SYNE1: variants seen among roughly 807,000 people sequenced by gnomAD.
SYNE1 encodes the protein spectrin repeat containing nuclear envelope protein 1.
Under a neutral mutation model 1,111.0 loss-of-function variants are expected in SYNE1, and 616 were observed. That is an observed-to-expected ratio of 0.55 (90% CI 0.52 to 0.59). The LOEUF is 0.59. Ranked by LOEUF, SYNE1 falls within the 20% of genes least tolerant of loss-of-function variation. The pLI is 0.00. For synonymous variants in SYNE1, 3,855 were observed against 3,825.8 expected, an observed-to-expected ratio of 1.01 and a Z score of -0.28; for missense variants, 10,006 against 10,417.0, an observed-to-expected ratio of 0.96 and a Z score of 1.72.
chr6:152,243,346 C>T (rs972725973), intron 106 of SYNE1, among the ~76,000 whole-genome samples: 1 of 152,136 alleles, frequency 6.6e-6, no homozygotes. Context: ...GAAAGAGTTT[C>T]AAACTTAAGA....
intron 56 of SYNE1, among the ~76,000 whole-genome samples, chr6:152,377,415 G>A (rs1433838358): frequency 6.6e-6 from 1 of 150,990 alleles, no homozygotes; most frequent in East Asian, 2.0e-4. Flanking sequence ...TTCGAGACCA[G>A]CCTGACCAAC....
chr6:152,257,112 G>T (rs911263000), intron 101 of SYNE1, among the ~76,000 whole-genome samples: 1 of 152,046 alleles, frequency 6.6e-6, no homozygotes, highest in Non-Finnish European at 1.5e-5. Context: ...TGTCTCTACC[G>T]CAAAGAAGTG....
intron 98 of SYNE1, 91 bp from the exon 99 acceptor site, chr6:152,269,377 A>G: frequency 6.3e-7 from 1 of 1,596,482 alleles, no homozygotes; most frequent in South Asian, 1.1e-5. Context: ...TGATCTATGT[A>G]ATGATACCAA....
chr6:152,509,093 T>C (rs1263463195), intron 8 of SYNE1, among the ~76,000 whole-genome samples: 1 of 152,066 alleles, frequency 6.6e-6, no homozygotes, highest in Non-Finnish European at 1.5e-5. Context: ...ATTTTACATG[T>C]TGTTTAGGAA....
intron 32 of SYNE1, among the ~76,000 whole-genome samples, chr6:152,437,972 C>T (rs1389347380): frequency 6.6e-6 from 1 of 152,128 alleles, no homozygotes; most frequent in African/African-American, 2.4e-5. Flanking sequence ...CAAGATTGTG[C>T]CACTGCACTC....
At chr6:152,477,331 T>C (rs2098840793) in intron 14 of SYNE1, among the ~76,000 whole-genome samples, 1 of 152,084 alleles carries the variant, frequency 6.6e-6, no homozygotes, top group African/African-American at 2.4e-5. Flanking sequence ...TTGGGGGAAG[T>C]TGTAATTTCA....
At position 152,331,774 on chromosome 6, in the gene SYNE1, T is replaced by G. The variant is rs1227580325; in HGVS notation, c.12911A>C (p.Glu4304Ala). The G allele has an allele frequency of 6.2e-7, 1 of 1,614,208 alleles. No homozygotes were observed. The highest frequency in any genetic ancestry group is 8.5e-7 in the Non-Finnish European group (1 of 1,180,042). ...DLKDQKQKMI[E>A]HLNLDDKELV... is the part of the protein sequence containing the mutation. ...CTCCTTGTCATCTAAATTCAGATGC[T>G]CTATCATTTTCTGCTTTTGATCTTT... The change falls in exon 78 of 146, where the codon GAG becomes GCG. Residue 4304 changes from glutamate (E) to alanine (A), a missense_variant. Glu to Ala is a moderately radical substitution (Grantham distance 107). Transcript: ENST00000367255.
At chr6:152,358,328 A>G (rs1251587029) in intron 66 of SYNE1, 45 bp downstream of exon 66, 3 of 1,613,296 alleles carry the variant, frequency 1.9e-6, no homozygotes, top group Non-Finnish European at 2.5e-6. Flanking sequence ...ATAATTCCAT[A>G]TTCAGAATGA....
chr6:152,215,034 C>A lies in SYNE1; in HGVS notation c.22218G>T (p.Met7406Ile). 6.2e-7 allele frequency: 1 copy of A among 1,614,094 alleles called. No homozygotes were observed. Residue 7406 changes from methionine (M) to isoleucine (I), a missense_variant, in exon 122 of 146, where the codon ATG (methionine) becomes ATT (isoleucine). This residue lies in a region of SYNE1 where 2,182 missense variants were observed against 2,287.8 expected (regional missense o/e 0.95). Transcript: ENST00000367255. ...CATTTAGACGGTCTAAATCTGGAGC[C>A]ATGCTGCTGAATTTTAACATCTGTC... is the stretch of plus-strand genomic sequence containing the variant. ...LKGQMLKFSS[M>I]APDLDRLNEL...
At chr6:152,386,748 A>G (rs2097531660) in intron 54 of SYNE1, among the ~76,000 whole-genome samples, 1 of 152,174 alleles carries the variant, frequency 6.6e-6, no homozygotes, top group Admixed American at 6.5e-5. Context: ...GTGTAGCAAA[A>G]GAAAAACAAC....
Position 152,189,247 on chromosome 6 carries a change from C to G in SYNE1, c.23301+5G>C, listed in dbSNP as rs541964211. 1 of 1,613,508 alleles carries G rather than the reference C, an allele frequency of 6.2e-7. No individual in the cohort carries two copies. Among genetic ancestry groups the G allele is most frequent in the South Asian group, 1.1e-5 (1 of 91,050 alleles). Reference sequence around the variant, plus strand: ...AGATAATTCCATTTTTAGAACTTATCTTACCTGGTGGCATAGTTCTTCCCA... The same window carrying G: ...AGATAATTCCATTTTTAGAACTTATGTTACCTGGTGGCATAGTTCTTCCCA... On this transcript the variant is annotated splice_donor_5th_base_variant and intron_variant, in intron 128 of 145. Coordinates refer to ENST00000367255, the MANE Select transcript of SYNE1 (RefSeq NM_182961.4).
At chr6:152,389,645 C>T (rs539879501) in intron 53 of SYNE1, among the ~76,000 whole-genome samples, 1 of 152,188 alleles carries the variant, frequency 6.6e-6, no homozygotes, top group South Asian at 2.1e-4. Flanking sequence ...CAATCAAGGA[C>T]TTCCCTGCTT....
At chr6:152,530,659 T>C (rs1475443826) in intron 4 of SYNE1, among the ~76,000 whole-genome samples, 1 of 151,266 alleles carries the variant, frequency 6.6e-6, no homozygotes, top group African/African-American at 2.4e-5. Flanking sequence ...TCTTGCTCTG[T>C]GGCCCAGTCT....
At chr6:152,497,148 C>T (rs954936668) in intron 11 of SYNE1, among the ~76,000 whole-genome samples, 7 of 152,180 alleles carry the variant, frequency 4.6e-5, no homozygotes, top group Admixed American at 2.6e-4. Context: ...TTGGTGGGCT[C>T]TTCACATGGA....
chr6:152,254,817 G>T, intron 104 of SYNE1, 63 bp downstream of exon 104: 1 of 1,443,456 alleles, frequency 6.9e-7, no homozygotes. Flanking sequence ...ACACAGACTC[G>T]TGACTGACTA....
At chr6:152,155,829 G>A in intron 132 of SYNE1, 81 bp downstream of exon 132, 3 of 1,539,790 alleles carry the variant, frequency 1.9e-6, no homozygotes, top group Middle Eastern at 2.3e-4. Flanking sequence ...ACAGGAAAGA[G>A]TGAACAGTGG....
In SYNE1 at chr6:152,376,521, C is replaced by A; in HGVS notation, c.9184G>T (p.Glu3062Ter). 6.2e-7 allele frequency: 1 copy of A among 1,614,068 alleles called. No homozygotes were observed. The highest frequency in any genetic ancestry group is 1.3e-5 in the African/African-American group (1 of 75,028). ...LQASKGCQNK[E>*]QILQQRFRKA... Reference sequence around the variant, plus strand: ...CGAAATCTTTGCTGTAAAATCTGTTCTTTATTCTGGCAGCCCTTGGATGCT... The same window carrying A: ...CGAAATCTTTGCTGTAAAATCTGTTATTTATTCTGGCAGCCCTTGGATGCT... The change falls in exon 58 of 146, where the codon GAA becomes TAA. Residue 3062 changes from glutamate to a stop codon, truncating the protein, a stop_gained. Coordinates refer to ENST00000367255, the MANE Select transcript of SYNE1 (RefSeq NM_182961.4). LOFTEE classifies it high-confidence loss of function.
chr6:152,379,336 A>AT lies in SYNE1; in HGVS notation c.9009+1669dup, dbSNP rs1338854923. Among the ~76,000 whole-genome samples, 8 of 152,288 alleles carry AT rather than the reference A, an allele frequency of 5.3e-5. No individual in the cohort carries two copies. The East Asian group carries it at 1.5e-3, about 29-fold the overall frequency. On this transcript the variant is annotated intron_variant, in intron 56 of 145. Transcript: ENST00000367255. ...AGCTAATATCCCAAAGGATATTAAG[A>AT]TAAATGAGTTTCGCAAACATAGTAA... is the stretch of plus-strand genomic sequence containing the variant.
chr6:152,136,089 C>G (rs1286379827), intron 141 of SYNE1, among the ~76,000 whole-genome samples: 1 of 152,190 alleles, frequency 6.6e-6, no homozygotes, highest in Non-Finnish European at 1.5e-5. Context: ...TTCTCAGTTA[C>G]TTTTATCATC....
Sources: allele counts gnomAD v4.1 joint callset (sites outside exome capture counted in the v4.1 genomes callset), GRCh38; gene constraint gnomAD v4.1.1; regional missense constraint gnomAD v4.1.1; transcripts MANE v1.5; gene names NCBI Gene and HGNC (gene_info 2026-07-23, HGNC 2026-07-21).